PDLIM2: variants seen among roughly 807,000 people sequenced by gnomAD.
The protein encoded by PDLIM2 is PDZ and LIM domain protein 2.
A neutral mutation model predicts 54.1 loss-of-function variants in PDLIM2; 51 were observed. The ratio of observed to expected loss-of-function variants is 0.94; its 90% CI spans 0.75 to 1.19. PDLIM2 has a LOEUF of 1.19. Among genes scored for constraint, PDLIM2 ranks in the 50% most tolerant of loss-of-function variants. PDLIM2 has a pLI of 0.00. For synonymous variants in PDLIM2, 398 were observed against 385.6 expected (o/e 1.03, Z -0.38); for missense variants, 912 against 874.0 (o/e 1.04, Z -0.55).
intron 2 of PDLIM2, chr8:22,581,068 C>G (rs1586918417): frequency 1.5e-6 from 1 of 668,414 alleles, no homozygotes; most frequent in South Asian, 1.5e-5. Context: ...GTGCAGGCAG[C>G]CACCTGCAAG....
intron 1 of PDLIM2, chr8:22,580,166 C>G (rs536226394): frequency 1.0e-3 from 294 of 285,508 alleles, no homozygotes; most frequent in African/African-American, 6.2e-3. Context: ...CCAGCCCTCC[C>G]CCAGAGTGGA....
chr8:22,579,982 G>C (rs932269979), intron 1 of PDLIM2, among the ~76,000 whole-genome samples: 2 of 152,166 alleles, frequency 1.3e-5, no homozygotes, highest in African/African-American at 4.8e-5. Flanking sequence ...GGTCTTGCCC[G>C]TGTGATCCAC....
At position 22,585,414 on chromosome 8, in the gene PDLIM2, GGGAGGACAGGCT is replaced by G. The variant is rs1800346286; in HGVS notation, c.1290+22_1290+33del. 21 of 1,599,638 alleles carry G rather than the reference GGGAGGACAGGCT, an allele frequency of 1.3e-5. No homozygotes were observed. Among genetic ancestry groups the G allele is most frequent in the Non-Finnish European group, 1.8e-5 (21 of 1,172,860 alleles). On this transcript the variant is annotated intron_variant, in intron 6 of 9. Transcript: ENST00000308354. ...GAAGCCGACAGGTGAGGCTCCCTGG[GGGAGGACAGGCT>G]GGAGGAACAGAAGCACCTCCCGTTC...
At chr8:22,589,934 G>T in intron 8 of PDLIM2, 193 bp downstream of exon 7, 1 of 681,376 alleles carries the variant, frequency 1.5e-6, no homozygotes, top group Admixed American at 3.0e-5. Flanking sequence ...GGTCCGGGAG[G>T]GTCACCAGCG....
chr8:22,590,502 G>A (rs1374840816), intron 8 of PDLIM2: 1 of 152,236 alleles, frequency 6.6e-6, no homozygotes, highest in Non-Finnish European at 1.5e-5. Context: ...GCGCTGCTGT[G>A]GGAGTTACTA....
intron 1 of PDLIM2, chr8:22,579,547 G>T (rs1157620812): frequency 6.9e-7 from 1 of 1,444,170 alleles, no homozygotes; most frequent in East Asian, 2.9e-5. Flanking sequence ...TCTCGGGGCG[G>T]CCGCGAGCCG....
chr8:22,579,294 T>C (rs1361141956), exon 1 of PDLIM2: 2 of 1,385,496 alleles, frequency 1.4e-6, no homozygotes, highest in Admixed American at 7.3e-5. Flanking sequence ...TCCGCGCCCC[T>C]GTCGGCGCGG....
intron 3 of PDLIM2, among the ~76,000 whole-genome samples, chr8:22,583,852 TAGAAAAAAA>T (rs1800285087): frequency 1.4e-4 from 1 of 7,320 alleles, no homozygotes; most frequent in Non-Finnish European, 2.6e-4. Flanking sequence ...CCAGGCAAAA[TAGAAAAAAA>T]AAAAAAAAAA....
exon 10 of PDLIM2, chr8:22,594,133 C>T (rs1800631560): frequency 7.0e-7 from 1 of 1,425,048 alleles, no homozygotes; most frequent in Non-Finnish European, 9.1e-7. Context: ...TGGCATTGCA[C>T]TAGTCTGAGG....
intron 6 of PDLIM2, among the ~76,000 whole-genome samples, chr8:22,587,295 G>C (rs1800406366): frequency 2.0e-5 from 3 of 152,058 alleles, no homozygotes; most frequent in African/African-American, 4.8e-5. Context: ...CTACTCCGGA[G>C]GCTGGGGCGG....
intron 1 of PDLIM2, chr8:22,579,594 G>A (rs1164171782): frequency 1.4e-6 from 2 of 1,396,680 alleles, no homozygotes; most frequent in South Asian, 1.5e-5. Context: ...GCTGGGAACA[G>A]AGGCTAGGCC....
intron 1 of PDLIM2, 63 bp from the exon 1 acceptor site, chr8:22,580,412 G>GT: frequency 7.4e-7 from 1 of 1,357,014 alleles, no homozygotes; most frequent in Non-Finnish European, 9.8e-7. Flanking sequence ...GCTTCCCAGG[G>GT]TGGGGGGAAG....
At chr8:22,584,066 A>G (rs1407695892) in intron 3 of PDLIM2, among the ~76,000 whole-genome samples, 2 of 151,646 alleles carry the variant, frequency 1.3e-5, no homozygotes, top group Non-Finnish European at 2.9e-5. Flanking sequence ...CAGTGGTACA[A>G]TTTTGGCTCA....
chr8:22,580,749 G>C, intron 2 of PDLIM2, 52 bp downstream of exon 1: 1 of 1,576,696 alleles, frequency 6.3e-7, no homozygotes, highest in Non-Finnish European at 8.7e-7. Context: ...AGCGAGGTCG[G>C]CCCTGTTCAC....
At chr8:22,579,121 G>T in exon 1 of PDLIM2, 1 of 1,278,926 alleles carries the variant, frequency 7.8e-7, no homozygotes, top group South Asian at 2.8e-5. Context: ...CCCCGGGCGG[G>T]CTCTCCCCAG....
chr8:22,591,588 C>T (rs1218793791), exon 9 of PDLIM2: 5 of 1,613,720 alleles, frequency 3.1e-6, no homozygotes, highest in East Asian at 2.2e-5. Context: ...CACTGAGCCC[C>T]CAGTCCTCCC....
exon 5 of PDLIM2, chr8:22,585,123 C>T: frequency 6.2e-7 from 1 of 1,613,788 alleles, no homozygotes. Context: ...CCACCACCCT[C>T]TAGCAGCTCC....
At position 22,585,414 on chromosome 8, in the gene PDLIM2, G is replaced by A. The variant is rs2117349987; in HGVS notation, c.1290+15G>A. ...GAAGCCGACAGGTGAGGCTCCCTGG[G>A]GGAGGACAGGCTGGAGGAACAGAAG... On this transcript the variant is annotated intron_variant, in intron 6 of 9. Coordinates refer to ENST00000308354, the Ensembl canonical transcript of PDLIM2. 2 of 1,599,756 alleles carry A rather than the reference G, an allele frequency of 1.3e-6. No individual in the cohort carries two copies. Among genetic ancestry groups the A allele is most frequent in the Non-Finnish European group, 1.7e-6 (2 of 1,172,852 alleles).
intron 1 of PDLIM2, chr8:22,580,511 C>T: frequency 1.2e-6 from 2 of 1,600,978 alleles, no homozygotes; most frequent in East Asian, 4.5e-5. Flanking sequence ...GGTGCCCTCT[C>T]CTTCTCCCTT....
Sources: gnomAD v4.1 joint callset for allele counts (sites outside exome capture counted in the v4.1 genomes callset) on GRCh38, gnomAD v4.1.1 for gene constraint, MANE v1.5 for transcripts, NCBI Gene and HGNC (gene_info 2026-07-23, HGNC 2026-07-21) for gene names.